Variants in ROBO1 observed in about 807,000 individuals in gnomAD.
ROBO1 encodes roundabout guidance receptor 1, also known as roundabout homolog 1.
ROBO1 carries 149 observed loss-of-function variants against 195.9 expected under a neutral mutation model. The observed-to-expected ratio is 0.76, with a 90% CI of 0.67 to 0.87. The LOEUF is 0.87. ROBO1 is among the 40% of genes least tolerant of loss of function. ROBO1 has a pLI of 0.00. For synonymous variants in ROBO1, 816 were observed against 733.2 expected, an observed-to-expected ratio of 1.11 and a Z score of -1.82; for missense variants, 1,933 against 2,068.3, an observed-to-expected ratio of 0.93 and a Z score of 1.27.
intron 3 of ROBO1, among the ~76,000 whole-genome samples, chr3:79,068,856 C>T (rs757016555): frequency 3.9e-5 from 6 of 151,914 alleles, no homozygotes; most frequent in African/African-American, 7.2e-5. Flanking sequence ...TCTTCCTCAA[C>T]TTCTGCAGTA....
chr3:79,544,043 A>C (rs1942174206), intron 2 of ROBO1, among the ~76,000 whole-genome samples: 1 of 152,102 alleles, frequency 6.6e-6, no homozygotes, highest in Non-Finnish European at 1.5e-5. Context: ...GGCTGCATTG[A>C]AGGATTTTTA....
intron 3 of ROBO1, among the ~76,000 whole-genome samples, chr3:79,066,484 CAAAT>C (rs890381007): frequency 2.6e-5 from 4 of 151,800 alleles, no homozygotes; most frequent in Non-Finnish European, 5.9e-5. Flanking sequence ...TACTGAAAAA[CAAAT>C]AAATAATCAC....
chr3:78,604,209 T>C (rs1382871698), intron 29 of ROBO1, among the ~76,000 whole-genome samples: 1 of 152,108 alleles, frequency 6.6e-6, no homozygotes, highest in Non-Finnish European at 1.5e-5. Flanking sequence ...TAGCTGGGAT[T>C]ACAGGTGCAC....
intron 3 of ROBO1, among the ~76,000 whole-genome samples, chr3:78,944,677 G>A (rs1031506007): frequency 1.1e-4 from 16 of 152,362 alleles, no homozygotes; most frequent in Middle Eastern, 3.4e-3. Context: ...AGGACAGTGG[G>A]TGCAGCGCAC....
chr3:78,718,008 T>C (rs539462812), intron 5 of ROBO1, 125 bp from the exon 6 acceptor site: 11 of 861,944 alleles, frequency 1.3e-5, no homozygotes, highest in South Asian at 1.8e-5. Flanking sequence ...CATCAACAGC[T>C]GATATGTAGT....
At chr3:78,623,886 G>A (rs192876633) in intron 26 of ROBO1, among the ~76,000 whole-genome samples, 137 of 152,256 alleles carry the variant, frequency 9.0e-4, no homozygotes, top group African/African-American at 3.2e-3. Flanking sequence ...TGTACCATTA[G>A]GGAAATGGAA....
At chr3:79,458,826 A>G (rs745682796) in intron 2 of ROBO1, among the ~76,000 whole-genome samples, 3 of 152,074 alleles carry the variant, frequency 2.0e-5, no homozygotes, top group African/African-American at 2.4e-5. Context: ...CACAAATAAA[A>G]TGACCCCAAT....
chr3:79,577,999 G>A (rs1030023968), intron 2 of ROBO1, among the ~76,000 whole-genome samples: 1 of 151,576 alleles, frequency 6.6e-6, no homozygotes, highest in African/African-American at 2.4e-5. Flanking sequence ...TGGGCAAAAA[G>A]TCTGAACAAA....
In ROBO1 at chr3:79,733,376, T is replaced by C. The variant is rs139497339; in HGVS notation, c.-51+34376A>G. 7.0e-3 allele frequency among the ~76,000 whole-genome samples: 1,068 copies of C among 152,332 alleles called. 12 individuals are homozygous for C. The highest frequency in any genetic ancestry group is 0.024 in the African/African-American group (1,001 of 41,570). On this transcript the variant is annotated intron_variant, in intron 1 of 30. Transcript: ENST00000464233. ...AAAATTAGATATTGTTGTTAGGATATAGGATGACAACATTTTTTCCCTTGT... is the reference window on the plus strand; with the variant it reads ...AAAATTAGATATTGTTGTTAGGATACAGGATGACAACATTTTTTCCCTTGT...
chr3:78,883,093 A>G (rs2036282765), intron 4 of ROBO1, among the ~76,000 whole-genome samples: 2 of 152,116 alleles, frequency 1.3e-5, no homozygotes, highest in South Asian at 4.1e-4. Context: ...GATTACAAGC[A>G]TAAGCCACTG....
At chr3:78,831,969 A>G (rs191123860) in intron 4 of ROBO1, among the ~76,000 whole-genome samples, 41 of 152,236 alleles carry the variant, frequency 2.7e-4, no homozygotes, top group African/African-American at 9.6e-4. Context: ...GGGAGCTACA[A>G]TTCAATATGA....
chr3:79,511,408 T>C (rs1271767722), intron 2 of ROBO1, among the ~76,000 whole-genome samples: 7 of 152,210 alleles, frequency 4.6e-5, no homozygotes. Flanking sequence ...TAAATTTCTC[T>C]ACTTACTTTC....
intron 2 of ROBO1, among the ~76,000 whole-genome samples, chr3:79,319,923 A>G (rs2033902945): frequency 6.6e-6 from 1 of 152,180 alleles, no homozygotes; most frequent in Admixed American, 6.5e-5. Context: ...TAATGCTGTA[A>G]GGTAATATTA....
chr3:78,710,057 C>T (rs541627982), intron 8 of ROBO1, among the ~76,000 whole-genome samples: 165 of 152,156 alleles, frequency 1.1e-3, no homozygotes, highest in Non-Finnish European at 1.8e-3. Context: ...TATAATAGCC[C>T]GTAAGGATTT....
chr3:79,766,060 CTG>C (rs989184556), intron 1 of ROBO1, among the ~76,000 whole-genome samples: 9 of 151,790 alleles, frequency 5.9e-5, no homozygotes, highest in African/African-American at 1.9e-4. Context: ...TTAAACTACC[CTG>C]TGAAATGAGC....
chr3:78,656,198 A>G (rs1707001356), intron 18 of ROBO1, among the ~76,000 whole-genome samples: 1 of 152,092 alleles, frequency 6.6e-6, no homozygotes, highest in Non-Finnish European at 1.5e-5. Context: ...ATATAAACAT[A>G]TTCCAATACT....
At chr3:79,114,961 G>A (rs1040138155) in intron 3 of ROBO1, among the ~76,000 whole-genome samples, 8 of 152,128 alleles carry the variant, frequency 5.3e-5, no homozygotes, top group African/African-American at 1.9e-4. Context: ...AGATCTAATT[G>A]TAGAGTCATA....
At chr3:78,961,558 C>T (rs542187678) in intron 3 of ROBO1, among the ~76,000 whole-genome samples, 54 of 152,022 alleles carry the variant, frequency 3.6e-4, no homozygotes, top group Middle Eastern at 3.2e-3. Context: ...TCTCATAGTA[C>T]CCACAACATT....
At chr3:78,756,878 T>A (rs2082946261) in intron 4 of ROBO1, among the ~76,000 whole-genome samples, 1 of 151,990 alleles carries the variant, frequency 6.6e-6, no homozygotes, top group Non-Finnish European at 1.5e-5. Context: ...GAATCATAAC[T>A]TTTTTATTTT....
Sources: gnomAD v4.1 joint callset for allele counts (sites outside exome capture counted in the v4.1 genomes callset) on GRCh38, gnomAD v4.1.1 for gene constraint, MANE v1.5 for transcripts, NCBI Gene and HGNC (gene_info 2026-07-23, HGNC 2026-07-21) for gene names.